Variants in VPS53 observed in about 807,000 individuals in gnomAD.
VPS53 encodes VPS53 subunit of GARP complex.
In VPS53, 70 loss-of-function variants were observed where a neutral mutation model predicts 107.0. The observed-to-expected ratio is 0.65, with a 90% CI of 0.54 to 0.80. VPS53 has a LOEUF of 0.80. Ranked by LOEUF, VPS53 falls within the 30% of genes least tolerant of loss-of-function variation. VPS53 has a pLI of 0.00. For missense variants in VPS53, 917 were observed against 1,049.4 expected (o/e 0.87, Z 1.74); for synonymous variants, 409 against 393.3 (o/e 1.04, Z -0.47).
At chr17:589,595 T>C (rs1967527128) in intron 12 of VPS53, among the ~76,000 whole-genome samples, 1 of 152,170 alleles carries the variant, frequency 6.6e-6, no homozygotes, top group African/African-American at 2.4e-5. Context: ...ACTTTTCTCT[T>C]AGTTTGACAT....
At chr17:701,644 AGGATTAC>A in intron 2 of VPS53, among the ~76,000 whole-genome samples, 1 of 151,860 alleles carries the variant, frequency 6.6e-6, no homozygotes, top group Admixed American at 6.6e-5. Flanking sequence ...CCAAAGTGCT[AGGATTAC>A]AGGTATGAGC....
chr17:681,548 C>T (rs541778007), intron 4 of VPS53, among the ~76,000 whole-genome samples: 1 of 152,350 alleles, frequency 6.6e-6, no homozygotes, highest in East Asian at 1.9e-4. Flanking sequence ...CATATTGAAT[C>T]TGTTGTGATC....
In VPS53 at chr17:711,977, C is replaced by T. The variant is rs183502129; in HGVS notation, c.88-1364G>A. Among the ~76,000 whole-genome samples, 150 of 152,142 alleles carry T rather than the reference C, an allele frequency of 9.9e-4. 1 individual carries two copies. Among genetic ancestry groups the T allele is most frequent in the African/African-American group, 3.4e-3 (140 of 41,476 alleles). ...GACTACAGGCGCTCGCCACCATACC[C>T]GGCTTATTTTTTGTGTTTTTAGTAG... On this transcript the variant is annotated intron_variant, in intron 1 of 21. Coordinates refer to ENST00000437048, the MANE Select transcript of VPS53 (RefSeq NM_001128159.3).
intron 19 of VPS53, among the ~76,000 whole-genome samples, chr17:522,218 G>A (rs1019145992): frequency 3.9e-5 from 6 of 152,170 alleles, no homozygotes; most frequent in Non-Finnish European, 7.4e-5. Context: ...TTGTGCCACT[G>A]TAACTCTCCA....
chr17:530,531 G>A (rs1015353008), intron 19 of VPS53, among the ~76,000 whole-genome samples: 3 of 152,172 alleles, frequency 2.0e-5, no homozygotes, highest in Admixed American at 6.5e-5. Context: ...CATGAAAAAT[G>A]ACAGCTTAGT....
At chr17:645,962 T>C (rs202168857) in intron 7 of VPS53, among the ~76,000 whole-genome samples, 267 of 83,244 alleles carry the variant, frequency 3.2e-3, no homozygotes, top group Middle Eastern at 0.02. Context: ...TCCGTGACCG[T>C]GTGGCCACTG....
At chr17:680,158 G>A (rs1445016982) in intron 4 of VPS53, among the ~76,000 whole-genome samples, 1 of 152,156 alleles carries the variant, frequency 6.6e-6, no homozygotes, top group East Asian at 1.9e-4. Flanking sequence ...GCCGGTCATG[G>A]TAGCAGGCGT....
chr17:573,656 G>A (rs763203120), intron 13 of VPS53, among the ~76,000 whole-genome samples: 10 of 152,122 alleles, frequency 6.6e-5, no homozygotes, highest in Non-Finnish European at 1.3e-4. Flanking sequence ...TCTCCTCCTC[G>A]CCACAAAGTC....
chr17:699,366 T>A lies in VPS53; in HGVS notation c.183A>T (p.Ile61=), dbSNP rs542929715. 6 of 1,573,334 alleles carry A rather than the reference T, an allele frequency of 3.8e-6. No homozygotes were observed. The highest frequency in any genetic ancestry group is 1.9e-5 in the Admixed American group (1 of 51,768). The change falls in exon 3 of 22, where the codon ATA becomes ATT. Residue 61 remains isoleucine (I), a synonymous_variant. Transcript: ENST00000437048. ...LFPTEQSLAN[I]DEVVNKIRLK... ...GCCTAATTTTGTTCACGACTTCGTC[T>A]ATGTTCGCCAGAGACTACAATAAAG...
chr17:674,831 C>T (rs1182062706), intron 4 of VPS53: 2 of 152,346 alleles, frequency 1.3e-5, no homozygotes, highest in African/African-American at 2.4e-5. Context: ...GTGATTAACT[C>T]GCTTCGTGTG....
chr17:601,152 TA>T (rs1239703452), intron 12 of VPS53: 1 of 152,196 alleles, frequency 6.6e-6, no homozygotes, highest in Non-Finnish European at 1.5e-5. Flanking sequence ...ATCACTAATC[TA>T]GAAGGGAAAC....
rs369554016 is a variant in VPS53 at position 564,681 on chromosome 17, C to A, written c.1314-1936G>T. On this transcript the variant is annotated intron_variant, in intron 13 of 21. Coordinates refer to ENST00000437048, the MANE Select transcript of VPS53 (RefSeq NM_001128159.3). ...GCTGTGAGCCCAGCTCACACCACTGCATTCCAGCCTGGGCAACAGAGCAAG... is the reference window on the plus strand; with the variant it reads ...GCTGTGAGCCCAGCTCACACCACTGAATTCCAGCCTGGGCAACAGAGCAAG... Among the ~76,000 whole-genome samples the A allele has an allele frequency of 1.2e-4, 18 of 152,106 alleles. No individual in the cohort carries two copies. The East Asian group carries it at 2.1e-3, about 18-fold the overall frequency.
At chr17:529,396 ACT>A (rs1555547305) in intron 19 of VPS53, among the ~76,000 whole-genome samples, 2 of 101,486 alleles carry the variant, frequency 2.0e-5, no homozygotes, top group Non-Finnish European at 3.7e-5. Context: ...ACACACACAC[ACT>A]CACACACACA....
At position 649,560 on chromosome 17, in the gene VPS53, C is replaced by G. The variant is rs370602555; in HGVS notation, c.608+3731G>C. Among the ~76,000 whole-genome samples the G allele has an allele frequency of 1.7e-4, 25 of 144,898 alleles. No homozygotes were observed. In the East Asian group the frequency reaches 3.7e-3, roughly 21 times the overall value. On this transcript the variant is annotated intron_variant, in intron 7 of 21. Coordinates refer to ENST00000437048, the MANE Select transcript of VPS53 (RefSeq NM_001128159.3). ...TGGAACAGGCACTGAAGATCTTACA[C>G]TGGAGGACAGAGGAATGGAACAGGC...
At chr17:543,367 T>C (rs1244801504) in intron 17 of VPS53, among the ~76,000 whole-genome samples, 1 of 152,232 alleles carries the variant, frequency 6.6e-6, no homozygotes, top group Non-Finnish European at 1.5e-5. Flanking sequence ...TTCACAATCC[T>C]GAAACCTAAT....
chr17:636,327 G>A (rs1216401242), intron 7 of VPS53, among the ~76,000 whole-genome samples: 2 of 152,182 alleles, frequency 1.3e-5, no homozygotes, highest in East Asian at 3.8e-4. Flanking sequence ...CTGAAACGAT[G>A]GGGTTTTCTA....
At chr17:609,330 T>A (rs1404495059) in intron 11 of VPS53, among the ~76,000 whole-genome samples, 1 of 152,244 alleles carries the variant, frequency 6.6e-6, no homozygotes, top group Non-Finnish European at 1.5e-5. Flanking sequence ...GTATCAGCAC[T>A]TCATTCCTTT....
chr17:672,119 C>CACACACAA (rs759088604), intron 4 of VPS53, among the ~76,000 whole-genome samples: 3 of 118,874 alleles, frequency 2.5e-5, no homozygotes, highest in African/African-American at 8.7e-5. Context: ...GACACACACA[C>CACACACAA]ACACACACAC....
chr17:535,673 C>T (rs944905772), intron 18 of VPS53, among the ~76,000 whole-genome samples: 4 of 152,134 alleles, frequency 2.6e-5, no homozygotes, highest in Middle Eastern at 3.2e-3. Flanking sequence ...TTATGGGGAG[C>T]GTCACGATGT....
Sources: allele counts gnomAD v4.1 joint callset (sites outside exome capture counted in the v4.1 genomes callset), GRCh38; gene constraint gnomAD v4.1.1; transcripts MANE v1.5; gene names NCBI Gene and HGNC (gene_info 2026-07-23, HGNC 2026-07-21).